Variants in ADCY2 observed in about 807,000 individuals in gnomAD.
ADCY2 encodes adenylate cyclase type 2.
ADCY2 carries 31 observed loss-of-function variants against 125.2 expected under a neutral mutation model. That is an observed-to-expected ratio of 0.25 (90% CI 0.19 to 0.33). ADCY2 has a LOEUF of 0.33. Ranked by LOEUF, ADCY2 falls within the 10% of genes least tolerant of loss-of-function variation. ADCY2 has a pLI of 1.00. For synonymous variants in ADCY2, 512 were observed against 548.4 expected, an observed-to-expected ratio of 0.93 and a Z score of 0.93; for missense variants, 904 against 1,418.2, an observed-to-expected ratio of 0.64 and a Z score of 5.82.
chr5:7,703,874 C>A (rs1741172003), intron 7 of ADCY2, among the ~76,000 whole-genome samples: 1 of 151,830 alleles, frequency 6.6e-6, no homozygotes, highest in South Asian at 2.1e-4. Flanking sequence ...CCTGGTGGTG[C>A]ACGCCTGTAA....
intron 2 of ADCY2, among the ~76,000 whole-genome samples, chr5:7,493,333 G>A (rs1743232712): frequency 6.6e-6 from 1 of 152,156 alleles, no homozygotes; most frequent in South Asian, 2.1e-4. Context: ...TATGAATGGA[G>A]TGGCAGGAAG....
chr5:7,620,435 T>C (rs1737917768), intron 3 of ADCY2, among the ~76,000 whole-genome samples: 1 of 152,204 alleles, frequency 6.6e-6, no homozygotes, highest in Non-Finnish European at 1.5e-5. Flanking sequence ...TTGGAGGGAC[T>C]TCAAATTAGA....
intron 18 of ADCY2, among the ~76,000 whole-genome samples, chr5:7,774,809 C>T (rs891980308): frequency 6.6e-6 from 1 of 152,148 alleles, no homozygotes; most frequent in Non-Finnish European, 1.5e-5. Flanking sequence ...CCAGCATCCT[C>T]CTCGGGGGCA....
intron 2 of ADCY2, among the ~76,000 whole-genome samples, chr5:7,499,910 C>CT (rs1743501339): frequency 6.6e-6 from 1 of 151,908 alleles, no homozygotes; most frequent in East Asian, 1.9e-4. Flanking sequence ...TGTAAATGGG[C>CT]TTAACTCACT....
intron 19 of ADCY2, among the ~76,000 whole-genome samples, chr5:7,788,011 G>A (rs561756842): frequency 2.7e-5 from 4 of 149,266 alleles, no homozygotes; most frequent in East Asian, 4.0e-4. Context: ...TGCATCTATC[G>A]TTTTAGTTTG....
Position 7,626,253 on chromosome 5 carries a change from A to G in ADCY2, c.657A>G (p.Thr219=), listed in dbSNP as rs1738123717. ...TCATGGAACTCGCTCTTCAGCAAAC[A>G]TATCAGGACACCTGTAATTGCATCA... ...KHLMELALQQ[T]YQDTCNCIKS... is the part of the protein sequence containing the mutation. The change falls in exon 4 of 25, where the codon ACA becomes ACG. Residue 219 remains threonine (T), a synonymous_variant. Coordinates refer to ENST00000338316, the MANE Select transcript of ADCY2 (RefSeq NM_020546.3). 6.2e-7 allele frequency: 1 copy of G among 1,614,192 alleles called. No homozygotes were observed. The highest frequency in any genetic ancestry group is 1.6e-4 in the Middle Eastern group (1 of 6,062).
At chr5:7,770,748 A>G (rs1005955982) in intron 17 of ADCY2, among the ~76,000 whole-genome samples, 7 of 152,152 alleles carry the variant, frequency 4.6e-5, no homozygotes, top group Admixed American at 4.6e-4. Flanking sequence ...GGTTTGAAGG[A>G]GCAGTTTTAA....
chr5:7,521,385 G>T (rs1415307842), intron 3 of ADCY2, among the ~76,000 whole-genome samples: 4 of 151,066 alleles, frequency 2.6e-5, no homozygotes. Flanking sequence ...CTTTAAAATG[G>T]TACAACAACA....
chr5:7,426,752 C>T (rs755698003), intron 2 of ADCY2, among the ~76,000 whole-genome samples: 6 of 152,136 alleles, frequency 3.9e-5, no homozygotes, highest in Non-Finnish European at 7.4e-5. Context: ...TGGGTCTCCC[C>T]CAGGAGATCT....
At chr5:7,412,092 G>A (rs1237646134) in intron 1 of ADCY2, among the ~76,000 whole-genome samples, 4 of 151,510 alleles carry the variant, frequency 2.6e-5, no homozygotes, top group Non-Finnish European at 5.9e-5. Context: ...AAAAAGAGAA[G>A]CACGGGAAAG....
At chr5:7,629,618 G>C (rs1191436071) in intron 4 of ADCY2, among the ~76,000 whole-genome samples, 1 of 152,220 alleles carries the variant, frequency 6.6e-6, no homozygotes, top group Non-Finnish European at 1.5e-5. Context: ...GTAGGGAAAA[G>C]AATGCATTGC....
At position 7,584,720 on chromosome 5, in the gene ADCY2, G is replaced by T. The variant is rs926018932; in HGVS notation, c.571-41447G>T. 2.0e-5 allele frequency among the ~76,000 whole-genome samples: 3 copies of T among 152,232 alleles called. No individual in the cohort carries two copies. In the South Asian group the frequency reaches 6.2e-4, roughly 32 times the overall value. On this transcript the variant is annotated intron_variant, in intron 3 of 24. Transcript: ENST00000338316. ...TGTAAAATTTTTATTTATCAGAAAT[G>T]CAGGTGTACAAAAAGATCATATCTT...
At chr5:7,577,672 T>A (rs1421830778) in intron 3 of ADCY2, among the ~76,000 whole-genome samples, 1 of 152,012 alleles carries the variant, frequency 6.6e-6, no homozygotes, top group Admixed American at 6.6e-5. Context: ...CTAGACTAAT[T>A]TTTTAGAATT....
At chr5:7,653,780 C>A (rs1443087535) in intron 4 of ADCY2, among the ~76,000 whole-genome samples, 1 of 152,120 alleles carries the variant, frequency 6.6e-6, no homozygotes, top group Non-Finnish European at 1.5e-5. Context: ...CTTAGATAAC[C>A]TTCTGCAATT....
intron 2 of ADCY2, among the ~76,000 whole-genome samples, chr5:7,457,389 C>G (rs1436541740): frequency 6.6e-6 from 1 of 152,134 alleles, no homozygotes; most frequent in African/African-American, 2.4e-5. Context: ...AGGGTGCCCT[C>G]AGCTGCAGAG....
intron 2 of ADCY2, among the ~76,000 whole-genome samples, chr5:7,453,839 G>A (rs1208099758): frequency 1.3e-5 from 2 of 151,982 alleles, no homozygotes; most frequent in Non-Finnish European, 2.9e-5. Context: ...TGCTCACTTG[G>A]GGCCATCTTC....
In ADCY2 at chr5:7,733,618, G is replaced by C. The variant is rs943820701; in HGVS notation, c.1871+6357G>C. Among the ~76,000 whole-genome samples, 2 of 152,244 alleles carry C rather than the reference G, an allele frequency of 1.3e-5. 1 individual carries two copies. The highest frequency in any genetic ancestry group is 3.9e-4 in the East Asian group (2 of 5,180). Reference sequence around the variant, plus strand: ...GACCTGTAGAATTTATAGAACTTCTGTTGAACCCCCTAGAGCTCCTATGGA... The same window carrying C: ...GACCTGTAGAATTTATAGAACTTCTCTTGAACCCCCTAGAGCTCCTATGGA... On this transcript the variant is annotated intron_variant, in intron 14 of 24. Transcript: ENST00000338316.
chr5:7,551,508 A>G (rs529952603), intron 3 of ADCY2, among the ~76,000 whole-genome samples: 4 of 152,292 alleles, frequency 2.6e-5, no homozygotes, highest in African/African-American at 9.6e-5. Context: ...TAAAGACTCA[A>G]AAGTACTTAG....
At chr5:7,524,587 T>G (rs1451640224) in intron 3 of ADCY2, among the ~76,000 whole-genome samples, 2 of 152,220 alleles carry the variant, frequency 1.3e-5, no homozygotes, top group African/African-American at 4.8e-5. Flanking sequence ...TCTTTAGTGG[T>G]TCTTTGGCCC....
Sources: gnomAD v4.1 joint callset for allele counts (sites outside exome capture counted in the v4.1 genomes callset) on GRCh38, gnomAD v4.1.1 for gene constraint, MANE v1.5 for transcripts, NCBI Gene and HGNC (gene_info 2026-07-23, HGNC 2026-07-21) for gene names.